STOX2: variants seen among roughly 807,000 people sequenced by gnomAD.
STOX2 encodes storkhead-box protein 2.
A neutral mutation model predicts 60.9 loss-of-function variants in STOX2; 28 were observed. That is an observed-to-expected ratio of 0.46 (90% CI 0.34 to 0.63). The LOEUF (loss-of-function observed/expected upper bound fraction) is 0.63. STOX2 is among the 30% of genes least tolerant of loss of function. The pLI is 0.01. For missense variants in STOX2, 1,024 were observed against 1,187.7 expected, an observed-to-expected ratio of 0.86 and a Z score of 2.03; for synonymous variants, 472 against 463.9, an observed-to-expected ratio of 1.02 and a Z score of -0.22.
chr4:183,901,595 GTA>G (rs1192020969), upstream of STOX2, among the ~76,000 whole-genome samples: 39 of 130,548 alleles, frequency 3.0e-4, no homozygotes, highest in African/African-American at 1.3e-3. Flanking sequence ...TGGTTTTTGG[GTA>G]TTTTTTTTTT....
chr4:183,972,378 G>A (rs928634271), intron 1 of STOX2, among the ~76,000 whole-genome samples: 2 of 152,170 alleles, frequency 1.3e-5, no homozygotes, highest in Admixed American at 6.5e-5. Context: ...GTACTGGAAG[G>A]TACTGGGGAG....
chr4:183,823,834 G>A lies in STOX2; in HGVS notation c.364+25779G>A, dbSNP rs1333767614. On this transcript the variant is annotated intron_variant, in intron 1 of 2. Coordinates refer to the STOX2 transcript ENST00000513034. ...CTCTTAACATCTGTGCCTCTAGACT[G>A]TAAATCCTCTAGGGCGGGGATTTTG... Among the ~76,000 whole-genome samples the A allele has an allele frequency of 2.6e-5, 4 of 152,310 alleles. No homozygotes were observed. The South Asian group carries it at 6.2e-4, about 24-fold the overall frequency.
intron 1 of STOX2, among the ~76,000 whole-genome samples, chr4:183,827,683 T>C (rs866241256): frequency 9.0e-4 from 137 of 152,060 alleles, no homozygotes; most frequent in African/African-American, 3.1e-3. Context: ...ACATTAGCAA[T>C]TGTATTTACA....
At chr4:183,843,533 G>T (rs1177444273) in intron 1 of STOX2, among the ~76,000 whole-genome samples, 3 of 152,162 alleles carry the variant, frequency 2.0e-5, no homozygotes, top group Non-Finnish European at 2.9e-5. Context: ...TCGACTGTGG[G>T]GCCATATGGT....
rs1048907009 is a variant in STOX2, at chr4:183,963,932, C to T, written c.167-37393C>T. On this transcript the variant is annotated intron_variant, in intron 1 of 3. Coordinates refer to ENST00000308497, the MANE Select transcript of STOX2 (RefSeq NM_020225.3). ...CTGGGACTACAGGCGCCCACCACCA[C>T]GCCCGGCTTATTTTTTGTATTTTTA... Among the ~76,000 whole-genome samples, 8 of 151,938 alleles carry T rather than the reference C, an allele frequency of 5.3e-5. No homozygotes were observed. In the East Asian group the frequency reaches 9.7e-4, roughly 18 times the overall value.
At position 183,848,927 on chromosome 4, in the gene STOX2, T is replaced by C. The variant is rs149675241; in HGVS notation, c.364+50872T>C. On this transcript the variant is annotated intron_variant, in intron 1 of 2. Transcript: ENST00000513034. ...GAATAGAATTCTGCTGAGTGCCTGGTTTCTGGCTCTGGCTCTTGCCTCGTG... is the reference window on the plus strand; with the variant it reads ...GAATAGAATTCTGCTGAGTGCCTGGCTTCTGGCTCTGGCTCTTGCCTCGTG... Among the ~76,000 whole-genome samples the C allele has an allele frequency of 1.1e-3, 169 of 152,278 alleles. 3 individuals carry two copies. In the South Asian group the frequency reaches 0.022, roughly 20 times the overall value.
Position 183,806,996 on chromosome 4 carries a change from G to A in STOX2, c.364+8941G>A, listed in dbSNP as rs935420866. On this transcript the variant is annotated intron_variant, in intron 1 of 2. Transcript: ENST00000513034. This position sits in a 1 kb window ranked among gnomAD's most constrained non-coding sequence, Gnocchi z 4.1. ...TCTTTTTTTCTTTTTTTTTTGAGAC[G>A]GAGTCTTGCTCTGTCGCCCAGGCTG... Among the ~76,000 whole-genome samples the A allele has an allele frequency of 2.6e-5, 4 of 151,500 alleles. No homozygotes were observed. The highest frequency in any genetic ancestry group is 5.9e-5 in the Non-Finnish European group (4 of 67,896).
At chr4:183,850,218 C>T (rs965616365) in intron 1 of STOX2, among the ~76,000 whole-genome samples, 3 of 151,830 alleles carry the variant, frequency 2.0e-5, no homozygotes, top group Non-Finnish European at 2.9e-5. Flanking sequence ...GGTGATCTGC[C>T]TGCCTCGGCC....
intron 1 of STOX2, among the ~76,000 whole-genome samples, chr4:183,820,209 G>T (rs1337033798): frequency 6.6e-6 from 1 of 152,154 alleles, no homozygotes; most frequent in African/African-American, 2.4e-5. Context: ...GTAAGCGTGA[G>T]CCACCATGCC....
intron 1 of STOX2, among the ~76,000 whole-genome samples, chr4:183,929,639 C>T (rs920246678): frequency 9.9e-5 from 15 of 152,256 alleles, no homozygotes; most frequent in Middle Eastern, 3.4e-3. Flanking sequence ...CAAAGAGGCT[C>T]TTGCAGGGGA....
intron 1 of STOX2, among the ~76,000 whole-genome samples, chr4:183,916,988 C>T (rs1179406214): frequency 6.6e-6 from 1 of 152,206 alleles, no homozygotes; most frequent in African/African-American, 2.4e-5. Context: ...TCTGAAATAA[C>T]CGACACATCT....
At chr4:183,798,688 C>T in intron 1 of STOX2, 2 of 985,322 alleles carry the variant, frequency 2.0e-6, no homozygotes, top group Non-Finnish European at 2.4e-6. Flanking sequence ...GGAAGAGACA[C>T]AAAGAGGCCG....
chr4:183,957,833 G>A (rs566800553), intron 1 of STOX2, among the ~76,000 whole-genome samples: 3 of 151,648 alleles, frequency 2.0e-5, no homozygotes, highest in East Asian at 1.9e-4. Context: ...ACCCAATATC[G>A]TGAATAAGGC....
In STOX2 at chr4:183,909,585, C is replaced by A. The variant is rs573067183; in HGVS notation, c.166+2629C>A. On this transcript the variant is annotated intron_variant, in intron 1 of 3. Coordinates refer to ENST00000308497, the MANE Select transcript of STOX2 (RefSeq NM_020225.3). ...TTCAGTTAAGAGACTATTTTTAGAC[C>A]CCCTCCCTCAACAAATATTCTGAAA... 3.3e-5 allele frequency among the ~76,000 whole-genome samples: 5 copies of A among 151,948 alleles called. No individual in the cohort carries two copies. The South Asian group carries it at 6.3e-4, about 19-fold the overall frequency.
At position 183,851,756 on chromosome 4, in the gene STOX2, A is replaced by G. The variant is rs376505883; in HGVS notation, c.364+53701A>G. On this transcript the variant is annotated intron_variant, in intron 1 of 2. Coordinates refer to the STOX2 transcript ENST00000513034. ...GGGAAAGGATGAGGGAAAGGATGAG[A>G]GAAAGGATGAGAGAAAGGATGAGGG... 1.7e-3 allele frequency among the ~76,000 whole-genome samples: 130 copies of G among 75,796 alleles called. 2 individuals are homozygous for G. Among genetic ancestry groups the G allele is most frequent in the African/African-American group, 4.0e-3 (61 of 15,224 alleles). The allele number at this position is 75,796 out of a possible 152,430, so 49.7% of individuals were successfully genotyped here. A position where few individuals can be genotyped will look rare whatever the true frequency, so the allele number is the denominator to read the frequency against.
chr4:183,824,585 A>C (rs1739379329), intron 1 of STOX2, among the ~76,000 whole-genome samples: 1 of 152,240 alleles, frequency 6.6e-6, no homozygotes. Context: ...TTATTGTGTG[A>C]TTATAGAAAA....
At chr4:183,826,149 G>C (rs915002895) in intron 1 of STOX2, among the ~76,000 whole-genome samples, 1 of 152,034 alleles carries the variant, frequency 6.6e-6, no homozygotes, top group Non-Finnish European at 1.5e-5. Flanking sequence ...TTTTCATTTC[G>C]CTCCTCAGAT....
chr4:183,913,632 A>G (rs1027131294), intron 1 of STOX2, among the ~76,000 whole-genome samples: 7 of 152,174 alleles, frequency 4.6e-5, no homozygotes, highest in Admixed American at 3.3e-4. Context: ...TTAGCTGGGC[A>G]TGGTGGCGCG....
At chr4:183,882,423 C>T (rs1047393902) in intron 1 of STOX2, among the ~76,000 whole-genome samples, 6 of 152,288 alleles carry the variant, frequency 3.9e-5, no homozygotes, top group Middle Eastern at 3.4e-3. Context: ...CCCAGTGGGT[C>T]GGTTAATCCC....
Sources: gnomAD v4.1 joint callset for allele counts (sites outside exome capture counted in the v4.1 genomes callset) on GRCh38, gnomAD v4.1.1 for gene constraint, Gnocchi (gnomAD v3.1) non-coding constraint, MANE v1.5 for transcripts, NCBI Gene and HGNC (gene_info 2026-07-23, HGNC 2026-07-21) for gene names.